AGMO: variants seen among roughly 807,000 people sequenced by gnomAD.
The protein encoded by AGMO is glyceryl-ether monooxygenase.
Under a neutral mutation model 60.2 loss-of-function variants are expected in AGMO, and 75 were observed. The observed-to-expected ratio is 1.25, with a 90% CI of 1.03 to 1.51. AGMO has a LOEUF of 1.51. AGMO is among the 40% of genes most tolerant of loss of function. The probability of loss-of-function intolerance (pLI) is 0.00; values close to 1 mark genes in which losing one functional copy is unlikely to be tolerated. For missense variants in AGMO, 763 were observed against 525.5 expected, an observed-to-expected ratio of 1.45 and a Z score of -4.42; for synonymous variants, 261 against 177.1, an observed-to-expected ratio of 1.47 and a Z score of -3.76.
At chr7:15,332,356 A>G (rs976662317) in intron 12 of AGMO, among the ~76,000 whole-genome samples, 1 of 152,154 alleles carries the variant, frequency 6.6e-6, no homozygotes, top group Non-Finnish European at 1.5e-5. Context: ...GTTCATCTAA[A>G]CTGTTAAACG....
At chr7:15,271,304 G>C (rs1323780335) in intron 12 of AGMO, among the ~76,000 whole-genome samples, 1 of 151,972 alleles carries the variant, frequency 6.6e-6, no homozygotes, top group Admixed American at 6.6e-5. Flanking sequence ...CCATCATATG[G>C]GATATTTTTC....
chr7:15,350,564 C>T (rs62450352), intron 12 of AGMO, among the ~76,000 whole-genome samples: 5,364 of 152,140 alleles, frequency 0.035, 104 homozygotes, highest in Admixed American at 0.053. Flanking sequence ...CATTGAGAGT[C>T]AGAGAGAGTA....
intron 10 of AGMO, among the ~76,000 whole-genome samples, chr7:15,378,205 T>TA (rs1273624207): frequency 2.6e-5 from 4 of 152,040 alleles, no homozygotes; most frequent in Admixed American, 2.0e-4. Flanking sequence ...CTTTTTATTT[T>TA]AAAAAATTAT....
At chr7:15,387,305 T>C in intron 9 of AGMO, 101 bp downstream of exon 9, 1 of 1,361,140 alleles carries the variant, frequency 7.3e-7, no homozygotes, top group Non-Finnish European at 1.0e-6. Context: ...GGGGAACATC[T>C]TTTTACAGAT....
chr7:15,188,730 A>G, the AGMO span, among the ~76,000 whole-genome samples: 2 of 150,846 alleles, frequency 1.3e-5, no homozygotes, highest in Non-Finnish European at 2.9e-5. Context: ...GCAGATAAAT[A>G]TAACGTCTGA....
chr7:15,458,886 A>G (rs147818774), intron 3 of AGMO, among the ~76,000 whole-genome samples: 1 of 152,318 alleles, frequency 6.6e-6, no homozygotes, highest in African/African-American at 2.4e-5. Context: ...CTTCCTTCTT[A>G]TAATTAGCTT....
intron 12 of AGMO, among the ~76,000 whole-genome samples, chr7:15,319,346 T>C (rs774151951): frequency 3.3e-5 from 5 of 152,134 alleles, no homozygotes; most frequent in Non-Finnish European, 7.3e-5. Context: ...ATGGAGTTTA[T>C]CAACTGAAAG....
At position 15,275,318 on chromosome 7, in the gene AGMO, C is replaced by T. The variant is rs531419488; in HGVS notation, c.1264-73959G>A. On this transcript the variant is annotated intron_variant, in intron 12 of 12. Transcript: ENST00000342526. ...TCTTTACCCAAAATTCAATCAAGAG[C>T]AAGTTATTTTACATGAATTTGTGTA... Among the ~76,000 whole-genome samples, 41 of 152,074 alleles carry T rather than the reference C, an allele frequency of 2.7e-4. 1 individual carries two copies. The highest frequency in any genetic ancestry group is 9.6e-4 in the African/African-American group (40 of 41,516).
At chr7:15,483,380 C>G (rs1220000204) in intron 3 of AGMO, among the ~76,000 whole-genome samples, 4 of 151,324 alleles carry the variant, frequency 2.6e-5, no homozygotes, top group Non-Finnish European at 5.9e-5. Context: ...TCCTGGCTAA[C>G]ACGGTGAAAC....
rs192413362 is a variant in AGMO, at chr7:15,418,605, C to T, written c.562G>A (p.Val188Ile). ...TAAAGAAGATTGAATTGAAGATGAA[C>T]AGCATATACTGAAGGGGGTATGAAG... ...ALFIPPSVYA[V>I]HLQFNLLYQF... is the part of the protein sequence containing the mutation. Residue 188 changes from valine (V) to isoleucine (I), a missense_variant, in exon 5 of 13, where the codon GTT (valine) becomes ATT (isoleucine). By Grantham distance (29) the Val-to-Ile change is conservative. Coordinates refer to ENST00000342526, the MANE Select transcript of AGMO (RefSeq NM_001004320.2). The T allele has an allele frequency of 7.8e-4, 1,236 of 1,583,664 alleles. 13 individuals carry two copies. Among genetic ancestry groups the T allele is most frequent in the Non-Finnish European group, 8.6e-5 (101 of 1,169,710 alleles).
At chr7:15,170,247 C>G in the AGMO span, among the ~76,000 whole-genome samples, 2 of 152,158 alleles carry the variant, frequency 1.3e-5, no homozygotes, top group Admixed American at 6.5e-5. Flanking sequence ...AGAGTATCGA[C>G]CTTACCTCTG....
intron 12 of AGMO, among the ~76,000 whole-genome samples, chr7:15,215,454 T>TC (rs1187717501): frequency 6.6e-6 from 1 of 151,938 alleles, no homozygotes; most frequent in Non-Finnish European, 1.5e-5. Context: ...ACCGGAATTC[T>TC]CCCCCATGAG....
At chr7:15,548,971 G>A (rs1156321501) in intron 2 of AGMO, among the ~76,000 whole-genome samples, 4 of 150,550 alleles carry the variant, frequency 2.7e-5, no homozygotes, top group Non-Finnish European at 5.9e-5. Context: ...GGATCTCTCG[G>A]CAGAAACCCT....
intron 12 of AGMO, among the ~76,000 whole-genome samples, chr7:15,204,655 C>G (rs1230642711): frequency 6.6e-6 from 1 of 152,176 alleles, no homozygotes; most frequent in Admixed American, 6.6e-5. Context: ...TGGTCCTTGT[C>G]TTCAGGCTAT....
intron 2 of AGMO, among the ~76,000 whole-genome samples, chr7:15,555,973 A>C (rs527463525): frequency 6.6e-6 from 1 of 152,102 alleles, no homozygotes; most frequent in African/African-American, 2.4e-5. Flanking sequence ...TATTAATAAT[A>C]AAGTACTATT....
intron 12 of AGMO, among the ~76,000 whole-genome samples, chr7:15,316,112 T>A (rs1780916353): frequency 6.6e-6 from 1 of 152,112 alleles, no homozygotes; most frequent in Admixed American, 6.5e-5. Flanking sequence ...TGGCAGCCAC[T>A]AGAAATAGAA....
chr7:15,468,766 C>T (rs537529548), intron 3 of AGMO, among the ~76,000 whole-genome samples: 45 of 152,158 alleles, frequency 3.0e-4, no homozygotes, highest in Non-Finnish European at 4.7e-4. Flanking sequence ...GTTTGACTTG[C>T]TTATCAAATG....
the AGMO span, among the ~76,000 whole-genome samples, chr7:15,191,974 CACACA>C: frequency 1.5e-4 from 1 of 6,702 alleles, no homozygotes; most frequent in Non-Finnish European, 5.8e-4. Context: ...GTCTCTCTCT[CACACA>C]CACACACACA....
chr7:15,314,314 G>T (rs971192059), intron 12 of AGMO, among the ~76,000 whole-genome samples: 1 of 152,038 alleles, frequency 6.6e-6, no homozygotes, highest in African/African-American at 2.4e-5. Context: ...TGAAACCACA[G>T]AAAGCAAAGC....
Sources: gnomAD v4.1 joint callset for allele counts (sites outside exome capture counted in the v4.1 genomes callset) on GRCh38, gnomAD v4.1.1 for gene constraint, MANE v1.5 for transcripts, NCBI Gene and HGNC (gene_info 2026-07-23, HGNC 2026-07-21) for gene names.